The following ROBO2 variants were observed in gnomAD, a reference collection of about 807,000 sequenced individuals.
The protein encoded by ROBO2 is roundabout guidance receptor 2, also known as roundabout homolog 2.
ROBO2 carries 53 observed loss-of-function variants against 160.8 expected under a neutral mutation model. That is an observed-to-expected ratio of 0.33 (90% CI 0.26 to 0.41). ROBO2 has a LOEUF of 0.41. Among genes scored for constraint, ROBO2 ranks in the 10% least tolerant of loss-of-function variants. ROBO2 has a pLI of 1.00. For missense variants in ROBO2, 1,577 were observed against 1,722.4 expected, an observed-to-expected ratio of 0.92 and a Z score of 1.49; for synonymous variants, 664 against 611.7, an observed-to-expected ratio of 1.09 and a Z score of -1.26.
chr3:77,596,480 T>A lies in ROBO2; in HGVS notation c.2727-143T>A. On this transcript the variant is annotated intron_variant, in intron 18 of 25. Coordinates refer to ENST00000461745, the Ensembl canonical transcript of ROBO2. ...GTATAGCCTTAATGAATTGCTGGAG[T>A]TCTTTAATTCCAGGGAGTCTACTTA... 12 of 1,023,994 alleles carry A rather than the reference T, an allele frequency of 1.2e-5. No individual in the cohort carries two copies. The South Asian group carries it at 1.6e-4, about 14-fold the overall frequency. The allele number at this position is 1,023,994 out of a possible 1,614,324, so 63.4% of individuals were successfully genotyped here.
At chr3:77,054,578 G>C (rs1188656730) in intron 1 of ROBO2, among the ~76,000 whole-genome samples, 4 of 152,070 alleles carry the variant, frequency 2.6e-5, no homozygotes, top group Non-Finnish European at 4.4e-5. Flanking sequence ...GACTAGAGAA[G>C]GTTGTACAAG....
At position 76,630,438 on chromosome 3, in the gene ROBO2, C is replaced by A. The variant is rs528460166; in HGVS notation, c.110-467576C>A. On this transcript the variant is annotated intron_variant, in intron 2 of 26. Transcript: ENST00000487694. Reference sequence around the variant, plus strand: ...ATGTATGTATAGCTCACATTTATTTCAATGTTTAATATTAGACATGTTTTG... The same window carrying A: ...ATGTATGTATAGCTCACATTTATTTAAATGTTTAATATTAGACATGTTTTG... Among the ~76,000 whole-genome samples, 6 of 145,150 alleles carry A rather than the reference C, an allele frequency of 4.1e-5. No homozygotes were observed. The South Asian group carries it at 1.0e-3, about 25-fold the overall frequency.
intron 2 of ROBO2, among the ~76,000 whole-genome samples, chr3:76,076,859 G>C (rs2068659693): frequency 6.6e-6 from 1 of 152,098 alleles, no homozygotes; most frequent in Non-Finnish European, 1.5e-5. Context: ...TTTACAACTT[G>C]GGTGACTTTA....
intron 2 of ROBO2, among the ~76,000 whole-genome samples, chr3:76,952,604 C>A (rs2079024894): frequency 6.6e-6 from 1 of 151,948 alleles, no homozygotes; most frequent in Non-Finnish European, 1.5e-5. Flanking sequence ...TTATATATAA[C>A]CTGTGCAATA....
intron 2 of ROBO2, among the ~76,000 whole-genome samples, chr3:76,686,144 C>A (rs2092681043): frequency 6.6e-6 from 1 of 152,022 alleles, no homozygotes; most frequent in African/African-American, 2.4e-5. Context: ...ACAGTCATAA[C>A]CTATTTGCCA....
intron 2 of ROBO2, among the ~76,000 whole-genome samples, chr3:76,884,985 T>G (rs1339029028): frequency 6.6e-6 from 1 of 152,058 alleles, no homozygotes. Flanking sequence ...GAGAGTTGAA[T>G]CAGACACCTG....
intron 2 of ROBO2, among the ~76,000 whole-genome samples, chr3:76,645,849 G>A (rs1019853904): frequency 1.3e-5 from 2 of 152,174 alleles, no homozygotes; most frequent in Non-Finnish European, 2.9e-5. Context: ...ACTACAGTAT[G>A]TATTTTTTAT....
In ROBO2 at chr3:76,811,722, T is replaced by C. The variant is rs1252789623; in HGVS notation, c.110-286292T>C. 3.3e-5 allele frequency among the ~76,000 whole-genome samples: 5 copies of C among 152,128 alleles called. No individual in the cohort carries two copies. In the East Asian group the frequency reaches 9.7e-4, roughly 30 times the overall value. On this transcript the variant is annotated intron_variant, in intron 2 of 26. Transcript: ENST00000487694. ...AATTTCAAGACTTCATGCCTATATC[T>C]CATCTCCAGACTGCTTGTCTGGCTT... is the stretch of plus-strand genomic sequence containing the variant.
At chr3:76,326,289 C>T (rs569491590) in intron 2 of ROBO2, among the ~76,000 whole-genome samples, 2 of 152,230 alleles carry the variant, frequency 1.3e-5, no homozygotes, top group Admixed American at 1.3e-4. Context: ...ATGACTATAA[C>T]TCCTCTTTGT....
intron 2 of ROBO2, among the ~76,000 whole-genome samples, chr3:76,306,074 A>G (rs905155095): frequency 6.6e-6 from 1 of 152,104 alleles, no homozygotes; most frequent in Non-Finnish European, 1.5e-5. Flanking sequence ...GTCTTCAGAC[A>G]CTGTCAAATG....
At chr3:75,975,424 G>A (rs553872202) in intron 2 of ROBO2, among the ~76,000 whole-genome samples, 3 of 150,918 alleles carry the variant, frequency 2.0e-5, no homozygotes, top group South Asian at 2.1e-4. Context: ...AATATATTTC[G>A]GTAGCCTCTG....
At chr3:76,832,255 G>C (rs952891255) in intron 2 of ROBO2, among the ~76,000 whole-genome samples, 1 of 152,158 alleles carries the variant, frequency 6.6e-6, no homozygotes, top group Admixed American at 6.5e-5. Context: ...TCAATTTAAT[G>C]TGTCTCTAAA....
At chr3:76,030,218 C>G (rs987153128) in intron 2 of ROBO2, among the ~76,000 whole-genome samples, 3 of 149,466 alleles carry the variant, frequency 2.0e-5, no homozygotes, top group African/African-American at 7.3e-5. Flanking sequence ...GGGTCGTTTG[C>G]TTTTTTCTTG....
chr3:77,163,447 T>A (rs111582716), intron 2 of ROBO2, among the ~76,000 whole-genome samples: 2 of 152,232 alleles, frequency 1.3e-5, no homozygotes, highest in African/African-American at 4.8e-5. Context: ...GAGAGTCCAA[T>A]AACCCAATGT....
chr3:77,521,701 T>G (rs1365493878), intron 5 of ROBO2, among the ~76,000 whole-genome samples: 2 of 151,268 alleles, frequency 1.3e-5, no homozygotes, highest in Non-Finnish European at 3.0e-5. Context: ...GGTCTATAAA[T>G]TAGGACTGTA....
intron 2 of ROBO2, among the ~76,000 whole-genome samples, chr3:75,990,183 C>G (rs1334228960): frequency 6.6e-6 from 1 of 152,096 alleles, no homozygotes; most frequent in African/African-American, 2.4e-5. Flanking sequence ...TTTCTGAAAA[C>G]TATAATTAAA....
chr3:76,828,420 A>G (rs1387357421), intron 2 of ROBO2, among the ~76,000 whole-genome samples: 2 of 152,134 alleles, frequency 1.3e-5, no homozygotes, highest in African/African-American at 2.4e-5. Flanking sequence ...AAACATATGT[A>G]TTATATATAG....
intron 2 of ROBO2, among the ~76,000 whole-genome samples, chr3:76,033,769 T>C (rs906119026): frequency 6.6e-6 from 1 of 152,150 alleles, no homozygotes; most frequent in African/African-American, 2.4e-5. Context: ...TTGGCCTCAT[T>C]CACACGTGTG....
chr3:75,967,608 T>C (rs770783838), intron 2 of ROBO2, among the ~76,000 whole-genome samples: 17 of 151,612 alleles, frequency 1.1e-4, no homozygotes, highest in Non-Finnish European at 2.2e-4. Context: ...TAATTTGTTC[T>C]GATGGCAAAA....
Sources: allele counts gnomAD v4.1 joint callset (sites outside exome capture counted in the v4.1 genomes callset), GRCh38; gene constraint gnomAD v4.1.1; transcripts MANE v1.5; gene names NCBI Gene and HGNC (gene_info 2026-07-23, HGNC 2026-07-21).